WFIKKN1: variants seen among roughly 807,000 people sequenced by gnomAD.
WFIKKN1 encodes the protein WAP, Kazal, immunoglobulin, Kunitz and NTR domain-containing protein 1.
WFIKKN1 carries 6 observed loss-of-function variants against 4.6 expected under a neutral mutation model. That is an observed-to-expected ratio of 1.31 (90% CI 0.72 to 2.59). The LOEUF (loss-of-function observed/expected upper bound fraction) is 2.59. Ranked by LOEUF, WFIKKN1 falls within the 30% of genes most tolerant of loss-of-function variation. The pLI, the probability that WFIKKN1 is intolerant of heterozygous loss-of-function variation, is 0.00. For synonymous variants in WFIKKN1, 468 were observed against 367.4 expected (o/e 1.27, Z -3.13); for missense variants, 964 against 818.0 (o/e 1.18, Z -2.18).
chr16:631,535 T>A lies in WFIKKN1; in HGVS notation c.171+111T>A. On this transcript the variant is annotated intron_variant, in intron 1 of 1. Coordinates refer to ENST00000319070, the MANE Select transcript of WFIKKN1 (RefSeq NM_053284.3). ...TCCCCAGACTTCTGGGGGGTCTGGGTCTGGGCCCCTTAAGGGGCCCAGAGA... is the reference window on the plus strand; with the variant it reads ...TCCCCAGACTTCTGGGGGGTCTGGGACTGGGCCCCTTAAGGGGCCCAGAGA... The A allele has an allele frequency of 2.9e-6, 4 of 1,391,550 alleles. No individual in the cohort carries two copies. In the South Asian group the frequency reaches 4.2e-5, roughly 15 times the overall value. The allele number at this position is 1,391,550 out of a possible 1,614,324, so 86.2% of individuals were successfully genotyped here.
Position 633,361 on chromosome 16 carries a change from G to T in WFIKKN1, c.951G>T (p.Trp317Cys). 1 of 1,573,980 alleles carries T rather than the reference G, an allele frequency of 6.4e-7. No individual in the cohort carries two copies. ...CCACTTCCCCACACCTTGTCCTCTG[G>T]CACTACGACCCGCAGCGGGGCGGCT... ...TGPTSPHLVL[W>C]HYDPQRGGCM... Residue 317 changes from tryptophan (W) to cysteine (C), a missense_variant, in exon 2 of 2, where the codon TGG becomes TGT. Physicochemically the swap from Trp to Cys is radical, Grantham distance 215. Transcript: ENST00000319070.
At position 633,895 on chromosome 16, in the gene WFIKKN1, G is replaced by A. The variant is rs369384424; in HGVS notation, c.1485G>A (p.Thr495=). 20 of 1,592,880 alleles carry A rather than the reference G, an allele frequency of 1.3e-5. No homozygotes were observed. Among genetic ancestry groups the A allele is most frequent in the South Asian group, 3.4e-5 (3 of 88,598 alleles). ...MDWACPCPNM[T]AGDGPLVIMG... is the part of the protein sequence containing the mutation. ...GGGCCTGCCCCTGCCCCAACATGAC[G>A]GCGGGCGACGGGCCGCTGGTCATCA... Residue 495 remains threonine (T), a synonymous_variant, in exon 2 of 2, where the codon ACG becomes ACA. Coordinates refer to ENST00000319070, the MANE Select transcript of WFIKKN1 (RefSeq NM_053284.3).
In WFIKKN1 at chr16:634,048, C is replaced by T. The variant is rs752608384; in HGVS notation, c.1638C>T (p.Phe546=). 5.3e-5 allele frequency: 84 copies of T among 1,575,658 alleles called. No individual in the cohort carries two copies. Among genetic ancestry groups the T allele is most frequent in the South Asian group, 4.4e-4 (38 of 86,370 alleles). ...EKQACELLNR[F]QD is the part of the protein sequence containing the mutation. ...AGGCCTGCGAGCTGCTCAACCGCTT[C>T]CAGGACTAGCCCCCGCAGGGGCCTG... is the stretch of plus-strand genomic sequence containing the variant. The change falls in exon 2 of 2, where the codon TTC becomes TTT. Residue 546 remains phenylalanine, a synonymous_variant. Transcript: ENST00000319070.
At position 632,570 on chromosome 16, in the gene WFIKKN1, C is replaced by T; in HGVS notation, c.172-12C>T. 4 of 1,501,434 alleles carry T rather than the reference C, an allele frequency of 2.7e-6. No individual in the cohort carries two copies. The highest frequency in any genetic ancestry group is 3.6e-6 in the Non-Finnish European group (4 of 1,124,066). 93.0% of individuals were successfully genotyped at this position (1,501,434 alleles called of 1,614,324 possible). On this transcript the variant is annotated splice_polypyrimidine_tract_variant and intron_variant, in intron 1 of 1. Transcript: ENST00000319070. Reference sequence around the variant, plus strand: ...GCATTGGGGCTCCCACCTAAGTGTCCCCCATCCCCAGGACTGTGCGGCTGC... The same window carrying T: ...GCATTGGGGCTCCCACCTAAGTGTCTCCCATCCCCAGGACTGTGCGGCTGC...
Position 633,856 on chromosome 16 carries a change from G to T in WFIKKN1, c.1446G>T (p.Leu482=). 1 of 1,597,034 alleles carries T rather than the reference G, an allele frequency of 6.3e-7. No homozygotes were observed. Among genetic ancestry groups the T allele is most frequent in the Non-Finnish European group, 8.5e-7 (1 of 1,172,556 alleles). ...GCACCAAGTACCTGGAGGTGACGCTGAGTGGCATGGACTGGGCCTGCCCCT... is the reference window on the plus strand; with the variant it reads ...GCACCAAGTACCTGGAGGTGACGCTTAGTGGCATGGACTGGGCCTGCCCCT... ...FLGTKYLEVT[L]SGMDWACPCP... is the part of the protein sequence containing the mutation. The change falls in exon 2 of 2, where the codon CTG becomes CTT. Residue 482 remains leucine, a synonymous_variant. Transcript: ENST00000319070.
Position 633,127 on chromosome 16 carries a change from C to T in WFIKKN1, c.717C>T (p.Asn239=), listed in dbSNP as rs777374847. 29 of 1,607,448 alleles carry T rather than the reference C, an allele frequency of 1.8e-5. No individual in the cohort carries two copies. The highest frequency in any genetic ancestry group is 8.8e-5 in the South Asian group (8 of 90,712). Residue 239 remains asparagine (N), a synonymous_variant, in exon 2 of 2, where the codon AAC becomes AAT. Transcript: ENST00000319070. ...TGCGCCCTGATCAGATGTATGGCAA[C>T]GTGGTGGTCACCAGCATCGGGCAGC... ...LIMRPDQMYG[N]VVVTSIGQLV...
rs150192736 is a variant in WFIKKN1, at chr16:631,406, C to G, written c.153C>G (p.Arg51=). The G allele has an allele frequency of 1.1e-4, 171 of 1,609,372 alleles. No individual in the cohort carries two copies. The highest frequency in any genetic ancestry group is 1.7e-4 in the Middle Eastern group (1 of 6,050). ...TGGACGCCCAGAGCACCTGTGAGCGCGAGTGTAGCAGGGACCAGGTGAGTG... is the reference window on the plus strand; with the variant it reads ...TGGACGCCCAGAGCACCTGTGAGCGGGAGTGTAGCAGGGACCAGGTGAGTG... ...LWVDAQSTCE[R]ECSRDQDCAA... The change falls in exon 1 of 2, where the codon CGC becomes CGG. Residue 51 remains arginine, a synonymous_variant. Transcript: ENST00000319070.
At chr16:632,336 C>T (rs1481933742) in intron 1 of WFIKKN1, 16 of 446,276 alleles carry the variant, frequency 3.6e-5, no homozygotes, top group Admixed American at 4.2e-5. Flanking sequence ...TCAGTTTCCT[C>T]GTCTGTACAA....
chr16:633,968 G>T lies in WFIKKN1; in HGVS notation c.1558G>T (p.Val520Phe). 1 of 1,598,180 alleles carries T rather than the reference G, an allele frequency of 6.3e-7. No individual in the cohort carries two copies. The highest frequency in any genetic ancestry group is 8.5e-7 in the Non-Finnish European group (1 of 1,173,248). ...GGCCGTGCTGGACGCCGGCAGCTAC[G>T]TCCGCGCCGCCAGCGAGAAGCGCGT... ...GVAVLDAGSY[V>F]RAASEKRVKK... Residue 520 changes from valine (V) to phenylalanine (F), a missense_variant, in exon 2 of 2, where the codon GTC (valine) becomes TTC (phenylalanine). Coordinates refer to ENST00000319070, the MANE Select transcript of WFIKKN1 (RefSeq NM_053284.3).
chr16:631,017 A>C lies in WFIKKN1; in HGVS notation c.-237A>C. The C allele has an allele frequency of 5.6e-6, 3 of 536,260 alleles. No homozygotes were observed. The highest frequency in any genetic ancestry group is 6.6e-6 in the Non-Finnish European group (2 of 303,240). The allele number at this position is 536,260 out of a possible 1,614,324, so 33.2% of individuals were successfully genotyped here. The stretch of plus-strand genomic sequence containing the variant: ...GGGGCCAGGCTGAAGCTGGAGAGGA[A>C]CCAGCGTCACACAGACGGCCTCTGA... On this transcript the variant is annotated 5_prime_UTR_variant, in exon 1 of 2. Transcript: ENST00000319070.
intron 1 of WFIKKN1, chr16:632,191 T>A: frequency 5.7e-6 from 1 of 176,162 alleles, no homozygotes; most frequent in Non-Finnish European, 1.2e-5. Context: ...TCCACTGTCC[T>A]CCCTGTCCTC....
At chr16:632,343 A>G (rs2036960768) in intron 1 of WFIKKN1, 2 of 466,966 alleles carry the variant, frequency 4.3e-6, no homozygotes, top group Non-Finnish European at 3.7e-6. Context: ...CCTCGTCTGT[A>G]CAACGTAAAG....
chr16:632,937 G>T lies in WFIKKN1; in HGVS notation c.527G>T (p.Arg176Leu). The T allele has an allele frequency of 3.2e-6, 5 of 1,557,502 alleles. No homozygotes were observed. Among genetic ancestry groups the T allele is most frequent in the Non-Finnish European group, 4.3e-6 (5 of 1,151,636 alleles). Residue 176 changes from arginine to leucine, a missense_variant, in exon 2 of 2, where the codon CGC becomes CTC. Physicochemically the swap from Arg to Leu is moderately radical, Grantham distance 102. Coordinates refer to ENST00000319070, the MANE Select transcript of WFIKKN1 (RefSeq NM_053284.3). Reference sequence around the variant, plus strand: ...CCGGGGCCGCCGGAGACCACTGCCCGCCCCACACCTGGGGCCGCGCCCGTG... The same window carrying T: ...CCGGGGCCGCCGGAGACCACTGCCCTCCCCACACCTGGGGCCGCGCCCGTG... ...SSPGPPETTA[R>L]PTPGAAPVPP...
Position 631,226 on chromosome 16 carries a change from C to A in WFIKKN1, c.-28C>A, listed in dbSNP as rs761359618. 2.6e-6 allele frequency: 4 copies of A among 1,536,646 alleles called. No homozygotes were observed. The highest frequency in any genetic ancestry group is 2.8e-5 in the African/African-American group (2 of 72,304). On this transcript the variant is annotated 5_prime_UTR_variant, in exon 1 of 2. Coordinates refer to ENST00000319070, the MANE Select transcript of WFIKKN1 (RefSeq NM_053284.3). ...CCCGAGGAGGGGCTGGTGGCCACAC[C>A]CCCCGGCCCCCTGGCTCGGCGGCCC...
At position 633,978 on chromosome 16, in the gene WFIKKN1, C is replaced by T; in HGVS notation, c.1568C>T (p.Ala523Val). ...GACGCCGGCAGCTACGTCCGCGCCG[C>T]CAGCGAGAAGCGCGTCAAGAAGATC... The part of the protein sequence containing the change: ...VLDAGSYVRA[A>V]SEKRVKKILE... The change falls in exon 2 of 2, where the codon GCC becomes GTC. Residue 523 changes from alanine to valine, a missense_variant. Ala to Val is a moderately conservative substitution (Grantham distance 64, BLOSUM62 0). Transcript: ENST00000319070. 1.2e-6 allele frequency: 2 copies of T among 1,600,904 alleles called. No homozygotes were observed. Among genetic ancestry groups the T allele is most frequent in the Non-Finnish European group, 1.7e-6 (2 of 1,174,544 alleles).
At position 632,754 on chromosome 16, in the gene WFIKKN1, G is replaced by A. The variant is rs761073437; in HGVS notation, c.344G>A (p.Arg115His). ...ATCTGGGACGGGCAGCCCGTGTGCC[G>A]CTGCCGCGACCGCTGTGAGAAGGAG... ...CDIWDGQPVC[R>H]CRDRCEKEPS... Residue 115 changes from arginine to histidine, a missense_variant, in exon 2 of 2, where the codon CGC (arginine) becomes CAC (histidine). Coordinates refer to ENST00000319070, the MANE Select transcript of WFIKKN1 (RefSeq NM_053284.3). 19 of 1,608,690 alleles carry A rather than the reference G, an allele frequency of 1.2e-5. No homozygotes were observed. Among genetic ancestry groups the A allele is most frequent in the African/African-American group, 2.7e-5 (2 of 74,768 alleles).
At position 633,094 on chromosome 16, in the gene WFIKKN1, C is replaced by T; in HGVS notation, c.684C>T (p.Asn228=). The T allele has an allele frequency of 6.2e-7, 1 of 1,612,180 alleles. No homozygotes were observed. The highest frequency in any genetic ancestry group is 8.5e-7 in the Non-Finnish European group (1 of 1,179,580). ...TWEKQSHQRE[N]LIMRPDQMYG... ...AGAAGCAGAGTCACCAGCGAGAGAA[C>T]CTGATCATGCGCCCTGATCAGATGT... is the stretch of plus-strand genomic sequence containing the variant. The change falls in exon 2 of 2, where the codon AAC becomes AAT. Residue 228 remains asparagine, a synonymous_variant. Coordinates refer to ENST00000319070, the MANE Select transcript of WFIKKN1 (RefSeq NM_053284.3).
chr16:630,989 A>G lies in WFIKKN1; in HGVS notation c.-265A>G, dbSNP rs1031974835. On this transcript the variant is annotated 5_prime_UTR_variant, in exon 1 of 2. Coordinates refer to ENST00000319070, the MANE Select transcript of WFIKKN1 (RefSeq NM_053284.3). ...CTGGGAGCCCCCGCACGGTTCAGAC[A>G]GAGGGGCCAGGCTGAAGCTGGAGAG... The G allele has an allele frequency of 1.2e-5, 6 of 489,318 alleles. No homozygotes were observed. The highest frequency in any genetic ancestry group is 1.8e-5 in the Non-Finnish European group (5 of 274,086). The allele number at this position is 489,318 out of a possible 1,614,324, so 30.3% of individuals were successfully genotyped here.
Position 634,063 on chromosome 16 carries a change from G to A in WFIKKN1, c.*6G>A, listed in dbSNP as rs756214985. 35 of 1,555,822 alleles carry A rather than the reference G, an allele frequency of 2.2e-5. No homozygotes were observed. The highest frequency in any genetic ancestry group is 7.2e-5 in the Admixed American group (4 of 55,594). On this transcript the variant is annotated 3_prime_UTR_variant, in exon 2 of 2. Transcript: ENST00000319070. ...TCAACCGCTTCCAGGACTAGCCCCC[G>A]CAGGGGCCTGCGCCACCCCGTCCTG...
Sources: gnomAD v4.1 joint callset for allele counts on GRCh38, gnomAD v4.1.1 for gene constraint, MANE v1.5 for transcripts, NCBI Gene and HGNC (gene_info 2026-07-23, HGNC 2026-07-21) for gene names.